Variants in SYNE2 observed in about 807,000 individuals in gnomAD.
SYNE2 encodes the protein nesprin-2.
Under a neutral mutation model 856.3 loss-of-function variants are expected in SYNE2, and 431 were observed. That is an observed-to-expected ratio of 0.50 (90% CI 0.47 to 0.55). The LOEUF (loss-of-function observed/expected upper bound fraction) is 0.55, where lower values mean the gene tolerates loss of function less well. SYNE2 is among the 20% of genes least tolerant of loss of function. The probability of loss-of-function intolerance (pLI) is 0.00; values close to 1 mark genes in which losing one functional copy is unlikely to be tolerated. For missense variants in SYNE2, 8,129 were observed against 8,023.2 expected (o/e 1.01, Z -0.50); for synonymous variants, 2,923 against 2,872.3 (o/e 1.02, Z -0.56).
chr14:64,063,474 T>G (rs2097333365), intron 50 of SYNE2, among the ~76,000 whole-genome samples: 1 of 152,230 alleles, frequency 6.6e-6, no homozygotes, highest in Admixed American at 6.5e-5. Context: ...TGATGGCTTT[T>G]CTAAAGCATC....
At chr14:64,154,793 A>C (rs963290170) in intron 85 of SYNE2, among the ~76,000 whole-genome samples, 10 of 47,936 alleles carry the variant, frequency 2.1e-4, no homozygotes, top group Non-Finnish European at 3.7e-4. Context: ...ACCCTGTCTC[A>C]AAAAAAAAAA....
chr14:63,972,013 T>C (rs1229332140), intron 11 of SYNE2, among the ~76,000 whole-genome samples: 1 of 152,210 alleles, frequency 6.6e-6, no homozygotes, highest in Non-Finnish European at 1.5e-5. Flanking sequence ...GGCAGCCTGT[T>C]TTCAGAATAC....
rs369607281 is a variant in SYNE2 at position 64,106,520 on chromosome 14, G to A, written c.12493-971G>A. On this transcript the variant is annotated intron_variant, in intron 64 of 115. Coordinates refer to ENST00000555002, the MANE Select transcript of SYNE2 (RefSeq NM_182914.3). The stretch of plus-strand genomic sequence containing the variant: ...AAAAATTAGCTGGGCGTGGTGGCGG[G>A]TGCCTGTAGTCCCAGCTACTCGGGA... Among the ~76,000 whole-genome samples, 37 of 152,192 alleles carry A rather than the reference G, an allele frequency of 2.4e-4. No homozygotes were observed. The East Asian group carries it at 6.8e-3, about 28-fold the overall frequency.
chr14:64,020,192 C>A, intron 35 of SYNE2, 99 bp downstream of exon 35: 611 of 728,384 alleles, frequency 8.4e-4, no homozygotes, highest in Middle Eastern at 3.0e-3. Flanking sequence ...AACCCTGTCT[C>A]TAAAAGAAGA....
intron 2 of SYNE2, among the ~76,000 whole-genome samples, chr14:63,913,025 C>G (rs1002304997): frequency 6.6e-6 from 1 of 152,158 alleles, no homozygotes; most frequent in Admixed American, 6.5e-5. Context: ...CCTCAAACTC[C>G]TGGGCTCAAG....
intron 99 of SYNE2, among the ~76,000 whole-genome samples, chr14:64,198,488 G>A (rs2098549087): frequency 6.6e-6 from 1 of 152,232 alleles, no homozygotes; most frequent in African/African-American, 2.4e-5. Flanking sequence ...CCCAGGGTAA[G>A]TTGTTACCTG....
In SYNE2 at chr14:64,218,446, C is replaced by T. The variant is rs766317777; in HGVS notation, c.19591C>T (p.Arg6531Ter). 3.1e-6 allele frequency: 5 copies of T among 1,614,082 alleles called. No homozygotes were observed. Among genetic ancestry groups the T allele is most frequent in the African/African-American group, 1.3e-5 (1 of 75,034 alleles). ...CACGGATGGTGGCAAAGAAGGCCCGCGAGTCCTGAATGGCAACCCACAGCA... is the reference window on the plus strand; with the variant it reads ...CACGGATGGTGGCAAAGAAGGCCCGTGAGTCCTGAATGGCAACCCACAGCA... ...PGTDGGKEGP[R>*]VLNGNPQQED... Residue 6531 changes from arginine to a stop codon, truncating the protein, a stop_gained, in exon 109 of 116, where the codon CGA (arginine) becomes TGA (stop). Transcript: ENST00000555002. LOFTEE classifies it high-confidence loss of function.
chr14:64,073,312 A>G (rs943178906), intron 52 of SYNE2, among the ~76,000 whole-genome samples: 7 of 152,146 alleles, frequency 4.6e-5, no homozygotes, highest in African/African-American at 1.7e-4. Context: ...TCTTAGAACT[A>G]AAGATGCTCC....
At chr14:63,866,071 A>G (rs1196908927) in intron 1 of SYNE2, among the ~76,000 whole-genome samples, 2 of 152,176 alleles carry the variant, frequency 1.3e-5, no homozygotes, top group Non-Finnish European at 2.9e-5. Context: ...CCCTGTAGAA[A>G]TATCCCTGAT....
At chr14:63,990,665 G>A (rs1217371041) in intron 20 of SYNE2, 96 bp downstream of exon 20, 10 of 1,095,684 alleles carry the variant, frequency 9.1e-6, no homozygotes, top group South Asian at 1.3e-5. Context: ...CTGTAGCTTG[G>A]AAATGTTTTG....
At chr14:63,856,676 A>T (rs1423923529) in intron 1 of SYNE2, among the ~76,000 whole-genome samples, 6 of 152,228 alleles carry the variant, frequency 3.9e-5, no homozygotes, top group African/African-American at 1.4e-4. Flanking sequence ...TTTTAAAGAC[A>T]AAATGCTTGC....
At chr14:63,831,222 T>C (rs1329924140) in intron 1 of SYNE2, among the ~76,000 whole-genome samples, 1 of 152,112 alleles carries the variant, frequency 6.6e-6, no homozygotes, top group Non-Finnish European at 1.5e-5. Flanking sequence ...GGAAGAGTTA[T>C]GGGTGGTACG....
At position 64,087,722 on chromosome 14, in the gene SYNE2, A is replaced by G. The variant is rs201413653; in HGVS notation, c.11536A>G (p.Met3846Val). The G allele has an allele frequency of 3.7e-6, 6 of 1,614,162 alleles. No homozygotes were observed. In the African/African-American group the frequency reaches 8.0e-5, roughly 22 times the overall value. ...GCACAATCTTTTACATTCAATCTTT[A>G]TGGATCTAGAAGACCTGTCAATAAT... is the stretch of plus-strand genomic sequence containing the variant. ...QKHNLLHSIF[M>V]DLEDLSIIFE... The change falls in exon 58 of 116, where the codon ATG (methionine) becomes GTG (valine). Residue 3846 changes from methionine (M) to valine (V), a missense_variant. Physicochemically the swap from Met to Val is conservative, Grantham distance 21. Coordinates refer to ENST00000555002, the MANE Select transcript of SYNE2 (RefSeq NM_182914.3).
chr14:63,859,971 CCCTT>C (rs1803237494), intron 1 of SYNE2, among the ~76,000 whole-genome samples: 5 of 140,432 alleles, frequency 3.6e-5, no homozygotes, highest in South Asian at 2.5e-4. Flanking sequence ...CTCCCTCCCT[CCCTT>C]CCTCCCTTCC....
chr14:63,872,640 T>C (rs201781313), intron 1 of SYNE2, among the ~76,000 whole-genome samples: 1 of 150,892 alleles, frequency 6.6e-6, no homozygotes, highest in East Asian at 1.9e-4. Context: ...CGGGTGCCTG[T>C]AATCCCGGTT....
rs574125818 is a variant in SYNE2, at chr14:63,847,786, G to A, written c.-304-4715G>A. Among the ~76,000 whole-genome samples the A allele has an allele frequency of 7.2e-5, 11 of 151,728 alleles. No homozygotes were observed. The South Asian group carries it at 1.7e-3, about 23-fold the overall frequency. On this transcript the variant is annotated intron_variant, in intron 1 of 23. Coordinates refer to the SYNE2 transcript ENST00000674003. ...TTTTTAGTAGAGATGGGGTTTCACC[G>A]TGTTGGCCAGGCTGGTCTTGAACTC... is the stretch of plus-strand genomic sequence containing the variant.
rs759861886 is a variant in SYNE2, at chr14:64,162,063, C to G, written c.16095-9C>G. 1 of 1,614,112 alleles carries G rather than the reference C, an allele frequency of 6.2e-7. No homozygotes were observed. The highest frequency in any genetic ancestry group is 8.5e-7 in the Non-Finnish European group (1 of 1,180,006). ...AATGAGGGTTATGTTATTTGCGTTG[C>G]ACTGACAGGTGGACTCAGGTGAACC... On this transcript the variant is annotated splice_polypyrimidine_tract_variant and intron_variant, in intron 87 of 115. Transcript: ENST00000555002.
intron 1 of SYNE2, among the ~76,000 whole-genome samples, chr14:63,804,089 C>T (rs1888265704): frequency 6.6e-6 from 1 of 152,216 alleles, no homozygotes; most frequent in African/African-American, 2.4e-5. Flanking sequence ...GGCATCCCAG[C>T]CATGCTTCCT....
At chr14:64,089,369 G>GAAAAAAAA (rs57358817) in intron 58 of SYNE2, among the ~76,000 whole-genome samples, 5 of 50,460 alleles carry the variant, frequency 9.9e-5, no homozygotes, top group East Asian at 6.8e-4. Flanking sequence ...TCCGTCTCAG[G>GAAAAAAAA]AAAAAAAAAA....
Sources: gnomAD v4.1 joint callset for allele counts (sites outside exome capture counted in the v4.1 genomes callset) on GRCh38, gnomAD v4.1.1 for gene constraint, MANE v1.5 for transcripts, NCBI Gene and HGNC (gene_info 2026-07-23, HGNC 2026-07-21) for gene names.